KIF1A: variants seen among roughly 807,000 people sequenced by gnomAD.
KIF1A encodes the protein kinesin-like protein KIF1A.
In KIF1A, 46 loss-of-function variants were observed where a neutral mutation model predicts 227.3. The ratio of observed to expected loss-of-function variants is 0.20; its 90% CI spans 0.16 to 0.26. The LOEUF is 0.26. Ranked by LOEUF, KIF1A falls within the 10% of genes least tolerant of loss-of-function variation. The probability of loss-of-function intolerance (pLI) is 1.00; values close to 1 mark genes in which losing one functional copy is unlikely to be tolerated. For synonymous variants in KIF1A, 1,022 were observed against 1,012.8 expected (o/e 1.01, Z -0.17); for missense variants, 1,683 against 2,485.9 (o/e 0.68, Z 6.87).
At chr2:240,753,054 C>T (rs960165920) in intron 27 of KIF1A, among the ~76,000 whole-genome samples, 2 of 152,234 alleles carry the variant, frequency 1.3e-5, no homozygotes, top group African/African-American at 2.4e-5. Context: ...GAGCAGAGCC[C>T]TGGGCTCTGG....
chr2:240,809,668 A>ATTT lies in KIF1A; in HGVS notation c.-61+10451_-61+10453dup, dbSNP rs59491347. Among the ~76,000 whole-genome samples the ATTT allele has an allele frequency of 5.1e-3, 719 of 140,344 alleles. 13 individuals are homozygous for ATTT. Among genetic ancestry groups the ATTT allele is most frequent in the African/African-American group, 0.018 (679 of 37,296 alleles). 92.1% of individuals were successfully genotyped at this position (140,344 alleles called of 152,430 possible). A position where few individuals can be genotyped will look rare whatever the true frequency, so the allele number is the denominator to read the frequency against. On this transcript the variant is annotated intron_variant, in intron 1 of 48. Transcript: ENST00000498729. ...TCTTCACGCTACCCCTAGGGAAGGA[A>ATTT]TTTTTTTTTTTTTTTTTTGAGACAG...
intron 27 of KIF1A, among the ~76,000 whole-genome samples, chr2:240,756,576 G>A (rs2049872411): frequency 1.3e-5 from 2 of 152,228 alleles, no homozygotes; most frequent in African/African-American, 4.8e-5. Context: ...GAGGGCATTG[G>A]GCCACATGCC....
At chr2:240,815,161 G>A (rs2058223056) in intron 1 of KIF1A, among the ~76,000 whole-genome samples, 1 of 152,194 alleles carries the variant, frequency 6.6e-6, no homozygotes, top group African/African-American at 2.4e-5. Context: ...ATGACACCAA[G>A]CAACTGAGTA....
At chr2:240,796,501 C>T (rs375587054) in intron 2 of KIF1A, among the ~76,000 whole-genome samples, 49 of 152,328 alleles carry the variant, frequency 3.2e-4, no homozygotes, top group South Asian at 1.0e-3. Context: ...CACAGTGCAT[C>T]CTGGGACCAC....
In KIF1A at chr2:240,791,284, T is replaced by C. The variant is rs868567688; in HGVS notation, c.107-1972A>G. On this transcript the variant is annotated intron_variant, in intron 2 of 48. Transcript: ENST00000498729. ...CGATCAACCAGCGCTGTGGAAACAA[T>C]TGCAGCGCCTTCCCTAGCACAGCCC... 3.8e-4 allele frequency among the ~76,000 whole-genome samples: 58 copies of C among 152,242 alleles called. 1 individual carries two copies. The highest frequency in any genetic ancestry group is 1.3e-3 in the African/African-American group (56 of 41,538).
At chr2:240,720,855 C>T in intron 45 of KIF1A, 59 bp downstream of exon 45, 2 of 1,489,998 alleles carry the variant, frequency 1.3e-6, no homozygotes, top group Non-Finnish European at 1.8e-6. Context: ...GAGTCACGGC[C>T]ATGGTCATGG....
chr2:240,734,878 C>T (rs905416346), intron 38 of KIF1A: 3 of 622,798 alleles, frequency 4.8e-6, no homozygotes, highest in Admixed American at 2.4e-5. Flanking sequence ...AAGCGTGGGG[C>T]CTGGGAGCGG....
At chr2:240,763,448 A>C (rs1032791208) in intron 20 of KIF1A, 102 bp from the exon 21 acceptor site, 5 of 1,122,274 alleles carry the variant, frequency 4.5e-6, no homozygotes, top group South Asian at 1.6e-5. Context: ...GGGTGCAGGC[A>C]CCCCACCATC....
At chr2:240,811,446 G>A (rs570882656) in intron 1 of KIF1A, among the ~76,000 whole-genome samples, 4 of 152,360 alleles carry the variant, frequency 2.6e-5, no homozygotes, top group Non-Finnish European at 2.9e-5. Context: ...AGGGAGCCAC[G>A]TGGCCCCAAG....
intron 15 of KIF1A, 137 bp downstream of exon 15, chr2:240,770,834 G>A (rs555208311): frequency 1.8e-5 from 20 of 1,122,900 alleles, no homozygotes; most frequent in Admixed American, 2.4e-5. Flanking sequence ...GTGGCCACAC[G>A]CCAGAGGCTC....
At chr2:240,723,708 G>T in intron 41 of KIF1A, 150 bp from the exon 42 acceptor site, 1 of 956,222 alleles carries the variant, frequency 1.0e-6, no homozygotes, top group Non-Finnish European at 1.5e-6. Flanking sequence ...GGCCCAAAGA[G>T]CCATGTAGGC....
In KIF1A at chr2:240,746,137, G is replaced by A. The variant is rs764873243; in HGVS notation, c.3104C>T (p.Ser1035Leu). 24 of 1,569,896 alleles carry A rather than the reference G, an allele frequency of 1.5e-5. No homozygotes were observed. The highest frequency in any genetic ancestry group is 5.4e-5 in the African/African-American group (4 of 73,998). The change falls in exon 30 of 49, where the codon TCG becomes TTG. Residue 1035 changes from serine to leucine, a missense_variant. Physicochemically the swap from Ser to Leu is moderately radical, Grantham distance 145 (BLOSUM62 -2). Coordinates refer to ENST00000498729, the MANE Select transcript of KIF1A (RefSeq NM_001244008.2). ...GCGAAGCTCTTCCTGGGAGGTTCCC[G>A]AGCGGGACATCCCCACCACGGGGCA... The part of the protein sequence containing the change: ...ESCPVVGMSR[S>L]GTSQEELRIV...
rs113684618 is a variant in KIF1A, at chr2:240,780,770, C to CCACA, written c.882+1816_882+1819dup. On this transcript the variant is annotated intron_variant, in intron 10 of 48. Coordinates refer to ENST00000498729, the MANE Select transcript of KIF1A (RefSeq NM_001244008.2). ...TTCTCTGCAGGCTCCCCACACAGCT[C>CCACA]CACACACACACACACACACACACAG... Among the ~76,000 whole-genome samples the CCACA allele has an allele frequency of 6.7e-4, 48 of 71,536 alleles. 1 individual carries two copies. The highest frequency in any genetic ancestry group is 5.4e-3 in the South Asian group (17 of 3,148). The allele number at this position is 71,536 out of a possible 152,430, so 46.9% of individuals were successfully genotyped here. A position where few individuals can be genotyped will look rare whatever the true frequency, so the allele number is the denominator to read the frequency against.
rs752613925 is a variant in KIF1A at position 240,745,694 on chromosome 2, G to C, written c.3374+44C>G. Reference sequence around the variant, plus strand: ...CCCAGGCACGGGAGCCTTGGGCACAGAGTCCCTGCGCAGCGCAGGGACACA... The same window carrying C: ...CCCAGGCACGGGAGCCTTGGGCACACAGTCCCTGCGCAGCGCAGGGACACA... On this transcript the variant is annotated intron_variant, in intron 31 of 48. Transcript: ENST00000498729. 2.5e-6 allele frequency: 4 copies of C among 1,592,496 alleles called. No individual in the cohort carries two copies. The South Asian group carries it at 4.5e-5, about 18-fold the overall frequency.
Position 240,793,522 on chromosome 2 carries a change from G to A in KIF1A, c.106+4125C>T, listed in dbSNP as rs539996907. ...GGCTGGGCAGGCTCAGGGCCCTCAC[G>A]TCCTCCGGTCCTCAGGGCAGAGAAT... On this transcript the variant is annotated intron_variant, in intron 2 of 48. Transcript: ENST00000498729. This position sits in a 1 kb window ranked among gnomAD's most constrained non-coding sequence, Gnocchi z 4.8. Among the ~76,000 whole-genome samples the A allele has an allele frequency of 1.6e-4, 25 of 152,134 alleles. No individual in the cohort carries two copies. The highest frequency in any genetic ancestry group is 4.8e-4 in the African/African-American group (20 of 41,520).
intron 5 of KIF1A, among the ~76,000 whole-genome samples, chr2:240,786,834 G>GCCACCATCAGGAACC (rs1553638780): frequency 6.7e-6 from 1 of 148,542 alleles, no homozygotes; most frequent in Non-Finnish European, 1.5e-5. Flanking sequence ...GAGGGTGGGG[G>GCCACCATCAGGAACC]CTGCCTGCTG....
chr2:240,760,021 G>GAAAA (rs397967291), intron 25 of KIF1A, among the ~76,000 whole-genome samples: 1,859 of 135,532 alleles, frequency 0.014, 27 homozygotes, highest in African/African-American at 0.046. Context: ...GTCTCTTAAA[G>GAAAA]AAAAAAAAAA....
intron 10 of KIF1A, among the ~76,000 whole-genome samples, chr2:240,779,047 C>T (rs1250021613): frequency 1.4e-5 from 2 of 146,242 alleles, no homozygotes; most frequent in African/African-American, 5.6e-5. Flanking sequence ...CACTCAGTCC[C>T]TCACTCAGTT....
rs1452615522 is a variant in KIF1A, at chr2:240,763,076, C to G, written c.1965G>C (p.Glu655Asp). ...CCTCCCGCTCGCGGCGGTACTGGTCCTCCAGTTCCTGGAGCCTGCAAGGGG... is the reference window on the plus strand; with the variant it reads ...CCTCCCGCTCGCGGCGGTACTGGTCGTCCAGTTCCTGGAGCCTGCAAGGGG... ...QEMEQRLQEL[E>D]DQYRREREEA... The change falls in exon 22 of 49, where the codon GAG becomes GAC. Residue 655 changes from glutamate to aspartate, a missense_variant. Around this residue, in one of 12 missense-constraint regions of KIF1A, gnomAD observed 217 missense variants for 427.0 expected, o/e 0.51. Transcript: ENST00000498729. The G allele has an allele frequency of 6.4e-7, 1 of 1,574,504 alleles. No homozygotes were observed. The highest frequency in any genetic ancestry group is 1.1e-5 in the South Asian group (1 of 87,870).
Sources: gnomAD v4.1 joint callset for allele counts (sites outside exome capture counted in the v4.1 genomes callset) on GRCh38, gnomAD v4.1.1 for gene constraint, gnomAD v4.1.1 regional missense constraint, Gnocchi (gnomAD v3.1) non-coding constraint, MANE v1.5 for transcripts, NCBI Gene and HGNC (gene_info 2026-07-23, HGNC 2026-07-21) for gene names.